Variants in HERC1 observed in about 807,000 individuals in gnomAD.
HERC1 encodes the protein probable E3 ubiquitin-protein ligase HERC1.
A neutral mutation model predicts 554.3 loss-of-function variants in HERC1; 160 were observed. That is an observed-to-expected ratio of 0.29 (90% CI 0.25 to 0.33). The LOEUF is 0.33. HERC1 is among the 10% of genes least tolerant of loss of function. The probability of loss-of-function intolerance (pLI) is 1.00; values close to 1 mark genes in which losing one functional copy is unlikely to be tolerated. For synonymous variants in HERC1, 2,175 were observed against 2,131.7 expected (o/e 1.02, Z -0.56); for missense variants, 4,919 against 5,918.5 (o/e 0.83, Z 5.54).
At position 63,731,915 on chromosome 15, in the gene HERC1, T is replaced by C. The variant is rs149349707; in HGVS notation, c.2868+1009A>G. Among the ~76,000 whole-genome samples, 48 of 152,208 alleles carry C rather than the reference T, an allele frequency of 3.2e-4. No individual in the cohort carries two copies. In the Middle Eastern group the frequency reaches 0.01, roughly 32 times the overall value. On this transcript the variant is annotated intron_variant, in intron 14 of 77. Coordinates refer to ENST00000443617, the MANE Select transcript of HERC1 (RefSeq NM_003922.4). The stretch of plus-strand genomic sequence containing the variant: ...ATTGGTAGAGAAAAACAACAGGAAA[T>C]ACGTGTACAATGTACAATTCTGGAA...
intron 25 of HERC1, among the ~76,000 whole-genome samples, chr15:63,705,588 C>A (rs916807687): frequency 6.6e-6 from 1 of 151,820 alleles, no homozygotes. Context: ...GCCAAGGAAG[C>A]TATTAAGAGA....
In HERC1 at chr15:63,612,655, G is replaced by T; in HGVS notation, c.14095-99C>A. The T allele has an allele frequency of 8.7e-7, 1 of 1,146,132 alleles. No homozygotes were observed. Among genetic ancestry groups the T allele is most frequent in the Non-Finnish European group, 1.2e-6 (1 of 813,134 alleles). The allele number at this position is 1,146,132 out of a possible 1,614,324, so 71.0% of individuals were successfully genotyped here. A position where few individuals can be genotyped will look rare whatever the true frequency, so the allele number is the denominator to read the frequency against. On this transcript the variant is annotated intron_variant, in intron 76 of 77. Transcript: ENST00000443617. This position sits in a 1 kb window ranked among gnomAD's most constrained non-coding sequence, Gnocchi z 5.0. ...GGCGCCTCCTGATGCCTGCTCGTCCGCTCCCCAGACCCTCTACTTGTTTCT... is the reference window on the plus strand; with the variant it reads ...GGCGCCTCCTGATGCCTGCTCGTCCTCTCCCCAGACCCTCTACTTGTTTCT...
At chr15:63,782,494 T>C (rs1346311294) in intron 1 of HERC1, among the ~76,000 whole-genome samples, 7 of 152,174 alleles carry the variant, frequency 4.6e-5, no homozygotes, top group Admixed American at 4.6e-4. Context: ...AAAGCTTCCT[T>C]TCAAAACATT....
chr15:63,698,610 C>T, intron 26 of HERC1, 118 bp downstream of exon 26: 2 of 979,440 alleles, frequency 2.0e-6, no homozygotes, highest in South Asian at 1.8e-5. Flanking sequence ...AGCTCAGGTA[C>T]AGGAAAGGGG....
intron 1 of HERC1, among the ~76,000 whole-genome samples, chr15:63,798,814 G>A (rs1039478845): frequency 1.3e-5 from 2 of 152,274 alleles, no homozygotes; most frequent in African/African-American, 4.8e-5. Context: ...CTACCAAAAT[G>A]GTAACTCATA....
At chr15:63,648,762 A>C (rs905923341) in intron 54 of HERC1, among the ~76,000 whole-genome samples, 12 of 152,228 alleles carry the variant, frequency 7.9e-5, no homozygotes, top group African/African-American at 2.9e-4. Context: ...AGTAGACAGG[A>C]GAAAGACTTT....
At chr15:63,740,453 G>A (rs1433203038) in intron 12 of HERC1, among the ~76,000 whole-genome samples, 1 of 152,168 alleles carries the variant, frequency 6.6e-6, no homozygotes, top group Non-Finnish European at 1.5e-5. Context: ...CCTAGTAGTG[G>A]AACTGCTGGA....
intron 1 of HERC1, among the ~76,000 whole-genome samples, chr15:63,811,744 G>C (rs2077319741): frequency 6.7e-6 from 1 of 148,362 alleles, no homozygotes; most frequent in African/African-American, 2.5e-5. Flanking sequence ...AGAAGGTGGA[G>C]CTTGCAGTGA....
chr15:63,631,378 A>G (rs1192375509), intron 68 of HERC1, among the ~76,000 whole-genome samples: 1 of 152,128 alleles, frequency 6.6e-6, no homozygotes, highest in Admixed American at 6.5e-5. Context: ...CTAATTGCCT[A>G]CTGCAGTGGC....
chr15:63,656,601 C>T (rs1011844496), intron 48 of HERC1, among the ~76,000 whole-genome samples: 1 of 152,158 alleles, frequency 6.6e-6, no homozygotes, highest in African/African-American at 2.4e-5. Context: ...CAAAGTAAAA[C>T]AGGAATGTTC....
intron 25 of HERC1, among the ~76,000 whole-genome samples, chr15:63,706,030 C>CAA (rs35213471): frequency 0.55 from 25,771 of 46,704 alleles, 6,660 homozygotes; most frequent in Non-Finnish European, 0.66. Context: ...ACCCTGTCTC[C>CAA]AAAAAAAAAA....
chr15:63,638,325 C>T (rs998358172), intron 63 of HERC1, 86 bp downstream of exon 63: 10 of 1,346,814 alleles, frequency 7.4e-6, no homozygotes, highest in African/African-American at 1.5e-5. Context: ...ATGAAATGGA[C>T]AAGCTTTATC....
At chr15:63,771,991 A>G (rs56771388) in intron 2 of HERC1, among the ~76,000 whole-genome samples, 45,822 of 151,876 alleles carry the variant, frequency 0.3, 7,341 homozygotes, top group Middle Eastern at 0.4. Context: ...GCATGGTGGC[A>G]GGTGCCTGTA....
intron 7 of HERC1, 81 bp from the exon 8 acceptor site, chr15:63,753,166 G>T: frequency 2.9e-6 from 3 of 1,031,796 alleles, no homozygotes; most frequent in Non-Finnish European, 2.6e-6. Flanking sequence ...TTGATAAGGA[G>T]CTCTAATGTT....
intron 2 of HERC1, among the ~76,000 whole-genome samples, chr15:63,765,090 G>C (rs1307667570): frequency 6.6e-6 from 1 of 152,204 alleles, no homozygotes; most frequent in Non-Finnish European, 1.5e-5. Flanking sequence ...TTCCGAAGCA[G>C]ATAGCTACAG....
intron 69 of HERC1, among the ~76,000 whole-genome samples, chr15:63,630,137 T>C (rs1250346475): frequency 6.6e-6 from 1 of 152,208 alleles, no homozygotes; most frequent in Non-Finnish European, 1.5e-5. Flanking sequence ...GATGATAATG[T>C]TGACAGTAGC....
At position 63,694,279 on chromosome 15, in the gene HERC1, A is replaced by C; in HGVS notation, c.5480+33T>G. ...CTAAAATGGAGGAAGACCAGACTTC[A>C]TACAGTTCTACAAAGACATCTACCA... is the stretch of plus-strand genomic sequence containing the variant. On this transcript the variant is annotated intron_variant, in intron 29 of 77. Transcript: ENST00000443617. This position sits in a 1 kb window ranked among gnomAD's most constrained non-coding sequence, Gnocchi z 4.3. 1 of 1,591,098 alleles carries C rather than the reference A, an allele frequency of 6.3e-7. No homozygotes were observed. Among genetic ancestry groups the C allele is most frequent in the Non-Finnish European group, 8.6e-7 (1 of 1,167,748 alleles).
intron 1 of HERC1, among the ~76,000 whole-genome samples, chr15:63,777,407 C>T (rs1414430389): frequency 6.6e-6 from 1 of 152,278 alleles, no homozygotes; most frequent in African/African-American, 2.4e-5. Context: ...GCCTTATTTA[C>T]CTCCATCCCT....
At chr15:63,710,090 C>G (rs1276170787) in intron 24 of HERC1, among the ~76,000 whole-genome samples, 1 of 152,224 alleles carries the variant, frequency 6.6e-6, no homozygotes, top group African/African-American at 2.4e-5. Context: ...CAGAAGAATA[C>G]TGGTTCCAAA....
Sources: allele counts gnomAD v4.1 joint callset (sites outside exome capture counted in the v4.1 genomes callset), GRCh38; gene constraint gnomAD v4.1.1; non-coding constraint Gnocchi (gnomAD v3.1); transcripts MANE v1.5; gene names NCBI Gene and HGNC (gene_info 2026-07-23, HGNC 2026-07-21).